RPS6KA5: variants seen among roughly 807,000 people sequenced by gnomAD.
RPS6KA5 encodes ribosomal protein S6 kinase A5, also known as ribosomal protein S6 kinase alpha-5.
In RPS6KA5, 27 loss-of-function variants were observed where a neutral mutation model predicts 85.5. The observed-to-expected ratio is 0.32, with a 90% CI of 0.23 to 0.44. RPS6KA5 has a LOEUF of 0.44. RPS6KA5 is among the 20% of genes least tolerant of loss of function. RPS6KA5 has a pLI of 1.00. For synonymous variants in RPS6KA5, 334 were observed against 348.2 expected (o/e 0.96, Z 0.46); for missense variants, 811 against 980.9 (o/e 0.83, Z 2.31).
chr14:90,879,434 C>G (rs1286262), intron 14 of RPS6KA5, among the ~76,000 whole-genome samples: 58,956 of 152,152 alleles, frequency 0.39, 12,530 homozygotes, highest in African/African-American at 0.56. Flanking sequence ...AAAGATACCA[C>G]CTGGCTCAGG....
intron 14 of RPS6KA5, among the ~76,000 whole-genome samples, chr14:90,882,345 C>T (rs796086304): frequency 6.6e-6 from 1 of 152,134 alleles, no homozygotes; most frequent in Non-Finnish European, 1.5e-5. Context: ...CAAAACAAAC[C>T]GATAATTCTT....
chr14:91,048,991 CAGAGGTTAATGT>C (rs1595556750), intron 1 of RPS6KA5, among the ~76,000 whole-genome samples: 1 of 152,190 alleles, frequency 6.6e-6, no homozygotes, highest in East Asian at 1.9e-4. Flanking sequence ...TGCTTTGGAG[CAGAGGTTAATGT>C]TGGGTCTGAT....
chr14:90,876,365 T>C (rs564471204), intron 14 of RPS6KA5, among the ~76,000 whole-genome samples: 171 of 152,320 alleles, frequency 1.1e-3, no homozygotes, highest in Non-Finnish European at 2.0e-3. Flanking sequence ...TGATCTGTAA[T>C]TACCCCTGTT....
At chr14:91,006,868 C>G (rs1244818903) in intron 1 of RPS6KA5, among the ~76,000 whole-genome samples, 1 of 152,164 alleles carries the variant, frequency 6.6e-6, no homozygotes, top group East Asian at 1.9e-4. Flanking sequence ...CGCACCCGGC[C>G]CATTCTAACC....
chr14:90,889,452 T>C (rs557437062), intron 14 of RPS6KA5, among the ~76,000 whole-genome samples: 43 of 152,278 alleles, frequency 2.8e-4, no homozygotes, highest in African/African-American at 9.9e-4. Context: ...GCCAATGTAC[T>C]CCCATATAGT....
At chr14:90,927,891 T>C (rs1033028672) in intron 5 of RPS6KA5, among the ~76,000 whole-genome samples, 3 of 151,818 alleles carry the variant, frequency 2.0e-5, no homozygotes, top group African/African-American at 4.8e-5. Flanking sequence ...AATACACACA[T>C]AGTCTTTCAG....
rs149941744 is a variant in RPS6KA5 at position 90,964,128 on chromosome 14, T to C, written c.394+14178A>G. 7.6e-4 allele frequency among the ~76,000 whole-genome samples: 116 copies of C among 152,306 alleles called. 1 individual carries two copies. The East Asian group carries it at 0.02, about 26-fold the overall frequency. On this transcript the variant is annotated intron_variant, in intron 3 of 16. Transcript: ENST00000614987. The stretch of plus-strand genomic sequence containing the variant: ...TTGAAAGGGGTCAAAAAATAGACAT[T>C]AGCACTATTTCTAATTTTCTGATAA...
chr14:90,935,066 T>TA (rs966601735), intron 5 of RPS6KA5, among the ~76,000 whole-genome samples: 1 of 151,732 alleles, frequency 6.6e-6, no homozygotes, highest in African/African-American at 2.4e-5. Context: ...CACATGCAAA[T>TA]AAAAAAAATC....
intron 13 of RPS6KA5, 24 bp downstream of exon 13, chr14:90,894,389 G>A (rs200539689): frequency 1.9e-5 from 31 of 1,608,932 alleles, no homozygotes; most frequent in African/African-American, 2.7e-5. Flanking sequence ...ACTGAATTAC[G>A]TAAGAGATCC....
chr14:91,043,226 C>T (rs935672802), intron 1 of RPS6KA5, among the ~76,000 whole-genome samples: 4 of 152,126 alleles, frequency 2.6e-5, no homozygotes, highest in Non-Finnish European at 4.4e-5. Context: ...CTTTTTCTAT[C>T]GATTCCTTTA....
rs373786141 is a variant in RPS6KA5, at chr14:90,875,317, C to T, written c.1880G>A (p.Arg627Gln). ...CACCGCGCTGGTACACGTCAAACTT[C>T]GGTCATGAGATTGGAAGGGAACCTG... ...SGQVPFQSHD[R>Q]SLTCTSAVEI... Residue 627 changes from arginine (R) to glutamine (Q), a missense_variant, in exon 15 of 17, where the codon CGA (arginine) becomes CAA (glutamine). By Grantham distance (43) the Arg-to-Gln change is conservative (BLOSUM62 1). Transcript: ENST00000614987. 1,245 of 1,613,848 alleles carry T rather than the reference C, an allele frequency of 7.7e-4. 22 individuals carry two copies. The South Asian group carries it at 0.013, about 16-fold the overall frequency.
intron 3 of RPS6KA5, among the ~76,000 whole-genome samples, chr14:90,949,024 C>T (rs985066637): frequency 2.0e-5 from 3 of 152,172 alleles, no homozygotes; most frequent in Non-Finnish European, 4.4e-5. Context: ...ACAAACCACA[C>T]GACAGCAAAA....
chr14:90,898,321 T>C (rs1354362887), intron 12 of RPS6KA5, among the ~76,000 whole-genome samples: 3 of 152,184 alleles, frequency 2.0e-5, no homozygotes, highest in Non-Finnish European at 2.9e-5. Flanking sequence ...AGATATGTGA[T>C]AATAAATGGC....
intron 5 of RPS6KA5, among the ~76,000 whole-genome samples, chr14:90,931,068 T>C (rs1359865917): frequency 2.6e-5 from 4 of 152,212 alleles, no homozygotes; most frequent in Non-Finnish European, 4.4e-5. Flanking sequence ...AAGGCAGGCC[T>C]CTTGAAGAAA....
chr14:91,034,749 C>A (rs2042331374), intron 1 of RPS6KA5, among the ~76,000 whole-genome samples: 1 of 152,184 alleles, frequency 6.6e-6, no homozygotes, highest in African/African-American at 2.4e-5. Context: ...TGGGTATGCA[C>A]CACCTTTAAG....
chr14:90,947,691 G>T, intron 3 of RPS6KA5, 141 bp from the exon 4 acceptor site: 1 of 536,296 alleles, frequency 1.9e-6, no homozygotes, highest in East Asian at 3.0e-5. Context: ...GTATCATGTA[G>T]ATAGAGTTCT....
intron 1 of RPS6KA5, among the ~76,000 whole-genome samples, chr14:91,018,602 C>T (rs1020733151): frequency 1.3e-5 from 2 of 152,180 alleles, no homozygotes; most frequent in Non-Finnish European, 2.9e-5. Context: ...TTCTGTTCCT[C>T]CTGCCTTTGG....
At chr14:91,023,294 C>CTT (rs919697162) in intron 1 of RPS6KA5, among the ~76,000 whole-genome samples, 1 of 143,776 alleles carries the variant, frequency 7.0e-6, no homozygotes, top group Non-Finnish European at 1.5e-5. Flanking sequence ...CAAATTTTTT[C>CTT]TTTTTTTTTT....
At chr14:91,047,707 T>G (rs2042931791) in intron 1 of RPS6KA5, among the ~76,000 whole-genome samples, 1 of 152,172 alleles carries the variant, frequency 6.6e-6, no homozygotes, top group African/African-American at 2.4e-5. Context: ...CGTTTTCTTA[T>G]AGTTCTGGAG....
Sources: gnomAD v4.1 joint callset for allele counts (sites outside exome capture counted in the v4.1 genomes callset) on GRCh38, gnomAD v4.1.1 for gene constraint, MANE v1.5 for transcripts, NCBI Gene and HGNC (gene_info 2026-07-23, HGNC 2026-07-21) for gene names.